Variants in CCDC6 observed in about 807,000 individuals in gnomAD.
The protein encoded by CCDC6 is coiled-coil domain-containing protein 6.
A neutral mutation model predicts 56.6 loss-of-function variants in CCDC6; 20 were observed. The observed-to-expected ratio is 0.35, with a 90% confidence interval of 0.25 to 0.51. CCDC6 has a LOEUF of 0.51. Ranked by LOEUF, CCDC6 falls within the 20% of genes least tolerant of loss-of-function variation. The pLI, the probability that CCDC6 is intolerant of heterozygous loss-of-function variation, is 0.95. For synonymous variants in CCDC6, 241 were observed against 234.4 expected (o/e 1.03, Z -0.26); for missense variants, 367 against 601.1 (o/e 0.61, Z 4.07).
intron 5 of CCDC6, among the ~76,000 whole-genome samples, chr10:59,807,884 G>A (rs2070639855): frequency 6.6e-6 from 1 of 152,032 alleles, no homozygotes; most frequent in Non-Finnish European, 1.5e-5. Context: ...CAGTGGTGGC[G>A]GCACACCAAG....
Position 59,792,015 on chromosome 10 carries a change from C to A in CCDC6, c.*902G>T, listed in dbSNP as rs180942101. The A allele has an allele frequency of 6.7e-4, 150 of 223,282 alleles. No homozygotes were observed. Among genetic ancestry groups the A allele is most frequent in the African/African-American group, 3.2e-3 (143 of 44,860 alleles). The allele number at this position is 223,282 out of a possible 1,614,324, so 13.8% of individuals were successfully genotyped here. A position where few individuals can be genotyped will look rare whatever the true frequency, so the allele number is the denominator to read the frequency against. ...ATTTTGCACCTTTAAAATATTTGTTCAAACTCTATTTTAAGAGAACACAAA... is the reference window on the plus strand; with the variant it reads ...ATTTTGCACCTTTAAAATATTTGTTAAAACTCTATTTTAAGAGAACACAAA... On this transcript the variant is annotated 3_prime_UTR_variant, in exon 9 of 9. Coordinates refer to ENST00000263102, the MANE Select transcript of CCDC6 (RefSeq NM_005436.5).
chr10:59,884,120 C>A (rs1450811230), intron 1 of CCDC6, among the ~76,000 whole-genome samples: 1 of 152,154 alleles, frequency 6.6e-6, no homozygotes, highest in Non-Finnish European at 1.5e-5. Context: ...CTCTCACTTA[C>A]TTCTAAGCCA....
At chr10:59,850,351 A>G (rs1459810692) in intron 2 of CCDC6, among the ~76,000 whole-genome samples, 2 of 104,946 alleles carry the variant, frequency 1.9e-5, no homozygotes, top group Admixed American at 1.6e-4. Flanking sequence ...TATGTTACGT[A>G]AAATTTACCA....
chr10:59,814,622 A>C (rs202054352), intron 4 of CCDC6, 30 bp downstream of exon 4: 259 of 1,298,004 alleles, frequency 2.0e-4, no homozygotes, highest in Middle Eastern at 5.5e-4. Context: ...ACACACACAC[A>C]CCCATACTGA....
chr10:59,794,561 G>T lies in CCDC6; in HGVS notation c.1142C>A (p.Pro381Gln). 1 of 1,613,598 alleles carries T rather than the reference G, an allele frequency of 6.2e-7. No individual in the cohort carries two copies. Among genetic ancestry groups the T allele is most frequent in the African/African-American group, 1.3e-5 (1 of 75,018 alleles). The change falls in exon 8 of 9, where the codon CCA becomes CAA. Residue 381 changes from proline to glutamine, a missense_variant. By Grantham distance (76) the Pro-to-Gln change is moderately conservative (BLOSUM62 -1). Transcript: ENST00000263102. Reference sequence around the variant, plus strand: ...TCCAGCTCTAGTCAGTGAAGTTGGTGGCGTGAAACCAACCGTGTGACTTGC... The same window carrying T: ...TCCAGCTCTAGTCAGTGAAGTTGGTTGCGTGAAACCAACCGTGTGACTTGC... ...SYASHTVGFT[P>Q]PTSLTRAGMS... is the part of the protein sequence containing the mutation.
At chr10:59,815,943 C>CAA (rs1428662308) in intron 3 of CCDC6, among the ~76,000 whole-genome samples, 1 of 152,064 alleles carries the variant, frequency 6.6e-6, no homozygotes, top group Middle Eastern at 3.2e-3. Flanking sequence ...AAATAATATC[C>CAA]AAAGTGCGGT....
At chr10:59,888,846 A>C (rs776093204) in intron 1 of CCDC6, among the ~76,000 whole-genome samples, 4 of 152,138 alleles carry the variant, frequency 2.6e-5, no homozygotes, top group Admixed American at 1.3e-4. Context: ...TTCCATAATA[A>C]AATAAGCTTA....
chr10:59,817,522 C>T lies in CCDC6; in HGVS notation c.583-2767G>A, dbSNP rs565395702. Among the ~76,000 whole-genome samples the T allele has an allele frequency of 9.5e-4, 145 of 152,174 alleles. 2 individuals carry two copies. Among genetic ancestry groups the T allele is most frequent in the Middle Eastern group, 3.4e-3 (1 of 294 alleles). On this transcript the variant is annotated intron_variant, in intron 3 of 8. Transcript: ENST00000263102. ...AAACAAATAACTATGAGGCATTTAC[C>T]TTTAAGGATCCCAATTCCAGTGTTT... is the stretch of plus-strand genomic sequence containing the variant.
rs113085157 is a variant in CCDC6 at position 59,900,047 on chromosome 10, T to G, written c.303+6075A>C. Among the ~76,000 whole-genome samples, 317 of 152,304 alleles carry G rather than the reference T, an allele frequency of 2.1e-3. 1 individual carries two copies. Among genetic ancestry groups the G allele is most frequent in the African/African-American group, 7.3e-3 (304 of 41,552 alleles). On this transcript the variant is annotated intron_variant, in intron 1 of 8. Coordinates refer to ENST00000263102, the MANE Select transcript of CCDC6 (RefSeq NM_005436.5). ...TTCATCACAGAAAGAAACAAGTACA[T>G]ACATACCCGTGCCTCTGGAGCCAGC...
intron 1 of CCDC6, among the ~76,000 whole-genome samples, chr10:59,887,618 G>C (rs2071392622): frequency 6.6e-6 from 1 of 151,994 alleles, no homozygotes; most frequent in Non-Finnish European, 1.5e-5. Context: ...GTCCTTCCTA[G>C]TCAAAAAAAT....
At chr10:59,897,256 A>T (rs923136127) in intron 1 of CCDC6, among the ~76,000 whole-genome samples, 16 of 145,356 alleles carry the variant, frequency 1.1e-4, no homozygotes, top group African/African-American at 4.0e-4. Context: ...TATTAGGATA[A>T]TTTTTTTTTT....
In CCDC6 at chr10:59,790,030, A is replaced by T. The variant is rs2070454399; in HGVS notation, c.*2887T>A. 4.6e-6 allele frequency: 1 copy of T among 216,426 alleles called. No homozygotes were observed. The highest frequency in any genetic ancestry group is 5.8e-5 in the Admixed American group (1 of 17,164). The allele number at this position is 216,426 out of a possible 1,614,324, so 13.4% of individuals were successfully genotyped here. ...AATTTAAAACTCCTTTCAGTCAACGAAGGAGTAAGTTCAATTAAAGGCTTC... is the reference window on the plus strand; with the variant it reads ...AATTTAAAACTCCTTTCAGTCAACGTAGGAGTAAGTTCAATTAAAGGCTTC... On this transcript the variant is annotated 3_prime_UTR_variant, in exon 9 of 9. Coordinates refer to ENST00000263102, the MANE Select transcript of CCDC6 (RefSeq NM_005436.5).
At chr10:59,875,684 G>T (rs1028465438) in intron 1 of CCDC6, among the ~76,000 whole-genome samples, 1 of 152,244 alleles carries the variant, frequency 6.6e-6, no homozygotes. Flanking sequence ...GGTCTGCGCC[G>T]ATGCTATTCT....
chr10:59,846,852 T>TA (rs2070996296), intron 2 of CCDC6, among the ~76,000 whole-genome samples: 1 of 152,196 alleles, frequency 6.6e-6, no homozygotes, highest in African/African-American at 2.4e-5. Context: ...TGGTATTTGT[T>TA]GAGAAAAGTG....
chr10:59,811,574 T>C (rs1023793409), intron 5 of CCDC6, among the ~76,000 whole-genome samples: 9 of 152,178 alleles, frequency 5.9e-5, no homozygotes, highest in Admixed American at 2.6e-4. Context: ...AAAACTACAA[T>C]GCATAGTAAG....
chr10:59,860,090 GTAAAA>G (rs1324558216), intron 1 of CCDC6, among the ~76,000 whole-genome samples: 1 of 151,960 alleles, frequency 6.6e-6, no homozygotes, highest in East Asian at 1.9e-4. Context: ...TTGAAATAAA[GTAAAA>G]TAAAATACCT....
chr10:59,844,201 C>T (rs563661685), intron 2 of CCDC6, among the ~76,000 whole-genome samples: 3 of 152,218 alleles, frequency 2.0e-5, no homozygotes, highest in East Asian at 1.9e-4. Context: ...AAAATAGCTA[C>T]GTTCTTCCAG....
At chr10:59,890,650 T>C (rs1267555077) in intron 1 of CCDC6, among the ~76,000 whole-genome samples, 1 of 152,198 alleles carries the variant, frequency 6.6e-6, no homozygotes, top group Non-Finnish European at 1.5e-5. Context: ...GCTTAGAGGT[T>C]AGCTAAATTG....
At chr10:59,848,477 A>C (rs1468443168) in intron 2 of CCDC6, among the ~76,000 whole-genome samples, 1 of 152,110 alleles carries the variant, frequency 6.6e-6, no homozygotes, top group Non-Finnish European at 1.5e-5. Flanking sequence ...TCAGGAGTTC[A>C]AGACCAGCCT....
Sources: allele counts gnomAD v4.1 joint callset (sites outside exome capture counted in the v4.1 genomes callset), GRCh38; gene constraint gnomAD v4.1.1; transcripts MANE v1.5; gene names NCBI Gene and HGNC (gene_info 2026-07-23, HGNC 2026-07-21).